The following MLC1 variants were observed in gnomAD, a reference collection of about 807,000 sequenced individuals.
The protein encoded by MLC1 is modulator of VRAC current 1.
Under a neutral mutation model 44.7 loss-of-function variants are expected in MLC1, and 32 were observed. The observed-to-expected ratio is 0.72, with a 90% CI of 0.54 to 0.96. MLC1 has a LOEUF of 0.96. MLC1 is among the 40% of genes least tolerant of loss of function. The pLI is 0.00. For missense variants in MLC1, 459 were observed against 492.2 expected (o/e 0.93, Z 0.64); for synonymous variants, 190 against 213.0 (o/e 0.89, Z 0.94).
At position 50,063,341 on chromosome 22, in the gene MLC1, C is replaced by T. The variant is rs968988482; in HGVS notation, c.1059+693G>A. On this transcript the variant is annotated intron_variant, in intron 11 of 11. Coordinates refer to ENST00000311597, the MANE Select transcript of MLC1 (RefSeq NM_015166.4). ...TAGAAAAATTAGCTGGGCTTGGTGG[C>T]GGGTGCCTGTAGTCCCAGCTACTCG... is the stretch of plus-strand genomic sequence containing the variant. Among the ~76,000 whole-genome samples the T allele has an allele frequency of 8.7e-4, 132 of 151,448 alleles. 2 individuals carry two copies. Among genetic ancestry groups the T allele is most frequent in the Non-Finnish European group, 1.9e-4 (13 of 67,872 alleles).
intron 9 of MLC1, 79 bp downstream of exon 9, chr22:50,070,448 T>C (rs1422420665): frequency 7.5e-7 from 1 of 1,334,132 alleles, no homozygotes; most frequent in Non-Finnish European, 1.1e-6. Context: ...CCTGGTCACA[T>C]GGCACCAAGG....
At position 50,080,015 on chromosome 22, in the gene MLC1, G is replaced by A. The variant is rs774586398; in HGVS notation, c.326C>T (p.Pro109Leu). ...TVSRRNANVI[P>L]NFQILFVSTF... ...GGAAACAAACAATATCTGAAAGTTG[G>A]GAATCTGAAAAACAAGGCAGGAGGG... is the stretch of plus-strand genomic sequence containing the variant. Residue 109 changes from proline (P) to leucine (L), a missense_variant, in exon 5 of 12, where the codon CCC becomes CTC. Transcript: ENST00000311597. The A allele has an allele frequency of 9.3e-6, 15 of 1,612,946 alleles. No homozygotes were observed. The South Asian group carries it at 1.6e-4, about 18-fold the overall frequency.
chr22:50,073,681 A>G (rs995744097), intron 8 of MLC1, among the ~76,000 whole-genome samples: 6 of 152,124 alleles, frequency 3.9e-5, no homozygotes, highest in Admixed American at 6.6e-5. Flanking sequence ...GGTTGTAGTG[A>G]GGTGATATTG....
chr22:50,059,508 T>C lies in MLC1; in HGVS notation c.*2075A>G, dbSNP rs1215334314. 4 of 152,100 alleles carry C rather than the reference T, an allele frequency of 2.6e-5. No individual in the cohort carries two copies. Among genetic ancestry groups the C allele is most frequent in the Non-Finnish European group, 5.9e-5 (4 of 67,982 alleles). The allele number at this position is 152,100 out of a possible 1,614,324, so 9.4% of individuals were successfully genotyped here. ...TTTTAAGCGCTCTAAAATAAGAAAA[T>C]AAGAAAGTGCAAGCCAGCAAAAACG... is the stretch of plus-strand genomic sequence containing the variant. On this transcript the variant is annotated 3_prime_UTR_variant, in exon 12 of 12. Transcript: ENST00000311597.
intron 10 of MLC1, among the ~76,000 whole-genome samples, chr22:50,065,642 C>T (rs2061686272): frequency 1.3e-5 from 2 of 152,196 alleles, no homozygotes; most frequent in African/African-American, 2.4e-5. Flanking sequence ...CACATTGAGA[C>T]GGAGGTGCTC....
intron 1 of MLC1, 60 bp downstream of exon 1, chr22:50,085,295 A>G: frequency 1.2e-6 from 1 of 852,460 alleles, no homozygotes; most frequent in Non-Finnish European, 1.5e-6. Context: ...TCCAATTGGT[A>G]GCTAAACGAG....
At chr22:50,076,957 AC>A in intron 6 of MLC1, 45 bp from the exon 7 acceptor site, 1 of 1,606,590 alleles carries the variant, frequency 6.2e-7, no homozygotes, top group Non-Finnish European at 8.5e-7. Context: ...GGGCACAGGG[AC>A]TCAGCACTGC....
intron 8 of MLC1, among the ~76,000 whole-genome samples, chr22:50,073,012 G>A (rs564719687): frequency 5.3e-5 from 8 of 152,302 alleles, no homozygotes; most frequent in South Asian, 2.1e-4. Flanking sequence ...CCTGGCAGGC[G>A]TGGGCCCCTT....
At position 50,083,478 on chromosome 22, in the gene MLC1, C is replaced by G. The variant is rs569578830; in HGVS notation, c.178-305G>C. The stretch of plus-strand genomic sequence containing the variant: ...ATTTAGAGCAAGGAATGGCACCTCT[C>G]CCCACAAAATACTCCTGCCCCAACA... On this transcript the variant is annotated intron_variant, in intron 2 of 11. Coordinates refer to ENST00000311597, the MANE Select transcript of MLC1 (RefSeq NM_015166.4). The surrounding 1 kb of genome is among the most constrained non-coding windows in gnomAD (Gnocchi z 4.6). 4.3e-4 allele frequency among the ~76,000 whole-genome samples: 65 copies of G among 152,298 alleles called. No individual in the cohort carries two copies. In the Middle Eastern group the frequency reaches 0.01, roughly 24 times the overall value.
At position 50,080,378 on chromosome 22, in the gene MLC1, A is replaced by T; in HGVS notation, c.287T>A (p.Val96Glu). The T allele has an allele frequency of 6.2e-7, 1 of 1,606,512 alleles. No homozygotes were observed. The highest frequency in any genetic ancestry group is 8.5e-7 in the Non-Finnish European group (1 of 1,176,418). Residue 96 changes from valine (V) to glutamate (E), a missense_variant, in exon 4 of 12, where the codon GTG becomes GAG. By Grantham distance (121) the Val-to-Glu change is moderately radical. Transcript: ENST00000311597. ...GTTCCTCCTGGAGACGGTGAAGCTC[A>T]CAATTGCCGAGGGGATGCACTGGAA... ...AAGSCIPSAI[V>E]SFTVSRRNAN...
intron 11 of MLC1, among the ~76,000 whole-genome samples, chr22:50,063,472 C>CAAAAAAAAA: frequency 1.3e-5 from 1 of 79,582 alleles, no homozygotes; most frequent in Non-Finnish European, 2.5e-5. Context: ...GACTCCTTCT[C>CAAAAAAAAA]AAAAAAAAAA....
At chr22:50,081,553 C>A (rs147947836) in intron 3 of MLC1, among the ~76,000 whole-genome samples, 1,738 of 152,362 alleles carry the variant, frequency 0.011, 15 homozygotes, top group Non-Finnish European at 0.02. Context: ...GGAGTCGGGC[C>A]AGCCCAGGCC....
intron 5 of MLC1, among the ~76,000 whole-genome samples, chr22:50,078,309 AT>A (rs1346800539): frequency 1.3e-5 from 2 of 152,148 alleles, no homozygotes; most frequent in Non-Finnish European, 2.9e-5. Context: ...TTTAAAATAC[AT>A]TTAAAAAAGA....
Position 50,083,131 on chromosome 22 carries a change from T to C in MLC1, c.220A>G (p.Asn74Asp), listed in dbSNP as rs56886124. 6.2e-7 allele frequency: 1 copy of C among 1,613,874 alleles called. No individual in the cohort carries two copies. The highest frequency in any genetic ancestry group is 1.3e-5 in the African/African-American group (1 of 74,860). ...TAATCCATCTCAGCCGGGAACACGT[T>C]CCCCAGGTACAGCGAAAACCCCGAG... ...VTSGFSLYLG[N>D]VFPAEMDYLR... The change falls in exon 3 of 12, where the codon AAC becomes GAC. Residue 74 changes from asparagine (N) to aspartate (D), a missense_variant. Asn to Asp is a conservative substitution (Grantham distance 23, BLOSUM62 1). Transcript: ENST00000311597. The surrounding 1 kb of genome is among the most constrained non-coding windows in gnomAD (Gnocchi z 4.6).
chr22:50,068,032 G>A (rs138025442), intron 10 of MLC1, among the ~76,000 whole-genome samples: 37 of 152,216 alleles, frequency 2.4e-4, no homozygotes, highest in African/African-American at 7.5e-4. Context: ...CTCAGAAGTC[G>A]TGTTGGAGAT....
intron 8 of MLC1, among the ~76,000 whole-genome samples, chr22:50,071,259 T>A (rs148485925): frequency 2.0e-5 from 3 of 152,096 alleles, no homozygotes; most frequent in Admixed American, 2.0e-4. Flanking sequence ...ACCAGGCTAA[T>A]GTTTGTATTT....
At chr22:50,074,637 C>T (rs974687738) in intron 7 of MLC1, 23 of 397,298 alleles carry the variant, frequency 5.8e-5, no homozygotes, top group South Asian at 4.5e-4. Context: ...AAAACCAAGA[C>T]CCTCAGACTC....
At position 50,083,931 on chromosome 22, in the gene MLC1, G is replaced by T. The variant is rs755271455; in HGVS notation, c.178-758C>A. 6.6e-6 allele frequency among the ~76,000 whole-genome samples: 1 copy of T among 152,032 alleles called. No individual in the cohort carries two copies. The highest frequency in any genetic ancestry group is 1.5e-5 in the Non-Finnish European group (1 of 67,972). The stretch of plus-strand genomic sequence containing the variant: ...AGATGGCCACCACCACCCGGGAGCC[G>T]CCTCTGTCCCCAGCTCCGAGGCAGA... On this transcript the variant is annotated intron_variant, in intron 2 of 11. Transcript: ENST00000311597. This position sits in a 1 kb window ranked among gnomAD's most constrained non-coding sequence, Gnocchi z 4.6.
chr22:50,065,677 G>A (rs996675285), intron 10 of MLC1, among the ~76,000 whole-genome samples: 3 of 152,186 alleles, frequency 2.0e-5, no homozygotes, highest in Non-Finnish European at 2.9e-5. Flanking sequence ...GAACTCCAGC[G>A]TGACACCCTC....
Sources: gnomAD v4.1 joint callset for allele counts (sites outside exome capture counted in the v4.1 genomes callset) on GRCh38, gnomAD v4.1.1 for gene constraint, Gnocchi (gnomAD v3.1) non-coding constraint, MANE v1.5 for transcripts, NCBI Gene and HGNC (gene_info 2026-07-23, HGNC 2026-07-21) for gene names.